Variants in ZNF565 observed in about 807,000 individuals in gnomAD.
ZNF565 encodes the protein zinc finger protein 565.
ZNF565 carries 27 observed loss-of-function variants against 39.4 expected under a neutral mutation model. That is an observed-to-expected ratio of 0.69 (90% CI 0.51 to 0.95). The LOEUF is 0.95. Ranked by LOEUF, ZNF565 falls within the 40% of genes least tolerant of loss-of-function variation. The pLI, the probability that ZNF565 is intolerant of heterozygous loss-of-function variation, is 0.00. For missense variants in ZNF565, 524 were observed against 621.1 expected (o/e 0.84, Z 1.66); for synonymous variants, 185 against 216.6 (o/e 0.85, Z 1.28).
chr19:36,234,130 A>T (rs1002433162), intron 1 of ZNF565, among the ~76,000 whole-genome samples: 6 of 152,226 alleles, frequency 3.9e-5, no homozygotes, highest in Admixed American at 6.5e-5. Context: ...AACAAAGCAC[A>T]TCCTGCACAG....
In ZNF565 at chr19:36,194,335, A is replaced by G; in HGVS notation, c.137-7T>C. On this transcript the variant is annotated splice_region_variant and splice_polypyrimidine_tract_variant and intron_variant, in intron 3 of 4. Coordinates refer to ENST00000304116, the MANE Select transcript of ZNF565 (RefSeq NM_152477.5). The stretch of plus-strand genomic sequence containing the variant: ...GGCTTAGAAATGGAGAGTCCTGTTT[A>G]CAGGAAAAGAAATGGGGTGTGATCA... 1.2e-6 allele frequency: 2 copies of G among 1,602,518 alleles called. No homozygotes were observed. Among genetic ancestry groups the G allele is most frequent in the Non-Finnish European group, 1.7e-6 (2 of 1,173,858 alleles).
Position 36,183,030 on chromosome 19 carries a change from G to C in ZNF565, c.936C>G (p.Cys312Trp). 2 of 1,613,974 alleles carry C rather than the reference G, an allele frequency of 1.2e-6. No homozygotes were observed. Among genetic ancestry groups the C allele is most frequent in the Non-Finnish European group, 1.7e-6 (2 of 1,179,980 alleles). The change falls in exon 5 of 5, where the codon TGC becomes TGG. Residue 312 changes from cysteine (C) to tryptophan (W), a missense_variant. Coordinates refer to ENST00000304116, the MANE Select transcript of ZNF565 (RefSeq NM_152477.5). ...GTGAGTGCTGTCTAAAGGCTTTCCC[G>C]CATTCTTTACACTCATAGGGTCTGG... ...TGARPYECKE[C>W]GKAFRQHSQL...
At chr19:36,238,072 C>T (rs906894790) in intron 1 of ZNF565, 2 of 166,898 alleles carry the variant, frequency 1.2e-5, no homozygotes, top group Non-Finnish European at 2.9e-5. Flanking sequence ...TTGTAGTAGC[C>T]AAAAATTAGA....
chr19:36,202,171 C>A, intron 1 of ZNF565, 121 bp from the exon 2 acceptor site: 1 of 647,238 alleles, frequency 1.5e-6, no homozygotes, highest in Non-Finnish European at 2.8e-6. Context: ...GCTTCTCCCA[C>A]CTCTCCATGT....
At chr19:36,208,841 T>C (rs984452282) in intron 1 of ZNF565, among the ~76,000 whole-genome samples, 3 of 152,144 alleles carry the variant, frequency 2.0e-5, no homozygotes, top group Admixed American at 2.0e-4. Flanking sequence ...TTTTTATTAT[T>C]TATTTTTTTG....
At chr19:36,238,898 G>C (rs1360410015) in intron 1 of ZNF565, 1 of 155,804 alleles carries the variant, frequency 6.4e-6, no homozygotes, top group Non-Finnish European at 1.5e-5. Context: ...CCTCCTGCCA[G>C]ATCAGCGGTG....
At position 36,230,275 on chromosome 19, in the gene ZNF565, G is replaced by T. The variant is rs897354922; in HGVS notation, c.55+15201C>A. On this transcript the variant is annotated intron_variant, in intron 1 of 4. Transcript: ENST00000355114. Reference sequence around the variant, plus strand: ...AAGCTGATATATTCACATCCTACAAGTATTTATTGCATGATATGTATTAGG... The same window carrying T: ...AAGCTGATATATTCACATCCTACAATTATTTATTGCATGATATGTATTAGG... Among the ~76,000 whole-genome samples, 9 of 152,278 alleles carry T rather than the reference G, an allele frequency of 5.9e-5. No individual in the cohort carries two copies. In the East Asian group the frequency reaches 1.5e-3, roughly 26 times the overall value.
chr19:36,215,816 A>G (rs112055270), upstream of ZNF565, among the ~76,000 whole-genome samples: 13 of 152,200 alleles, frequency 8.5e-5, no homozygotes, highest in Non-Finnish European at 1.9e-4. Flanking sequence ...GCAATCCCAT[A>G]TAACGGCGCC....
chr19:36,216,483 A>G (rs1347885278), upstream of ZNF565, among the ~76,000 whole-genome samples: 2 of 152,052 alleles, frequency 1.3e-5, no homozygotes, highest in Non-Finnish European at 2.9e-5. Flanking sequence ...TCTACTAAAA[A>G]AAAATAAAAT....
At chr19:36,193,721 G>A (rs1029467376) in intron 4 of ZNF565, among the ~76,000 whole-genome samples, 13 of 152,222 alleles carry the variant, frequency 8.5e-5, no homozygotes, top group East Asian at 7.7e-4. Context: ...GATTACAGGC[G>A]TAGAGCCACT....
At chr19:36,221,920 T>C (rs1010491853) in intron 1 of ZNF565, among the ~76,000 whole-genome samples, 21 of 135,630 alleles carry the variant, frequency 1.5e-4, no homozygotes, top group African/African-American at 5.0e-4. Flanking sequence ...CCCTTCCTTT[T>C]TTCTTTCTTT....
At chr19:36,189,066 T>C (rs979736431) in intron 4 of ZNF565, among the ~76,000 whole-genome samples, 1 of 151,900 alleles carries the variant, frequency 6.6e-6, no homozygotes, top group Non-Finnish European at 1.5e-5. Context: ...GAGTTTCTGT[T>C]TGGGATGATG....
upstream of ZNF565, among the ~76,000 whole-genome samples, chr19:36,215,428 G>C (rs73931512): frequency 2.0e-5 from 3 of 152,200 alleles, no homozygotes; most frequent in African/African-American, 4.8e-5. Context: ...GTGCGGGATT[G>C]TGTGTGATTG....
At chr19:36,227,579 C>G (rs145471967) in intron 1 of ZNF565, among the ~76,000 whole-genome samples, 258 of 152,052 alleles carry the variant, frequency 1.7e-3, no homozygotes, top group Non-Finnish European at 2.8e-3. Flanking sequence ...ATGGATGAAC[C>G]TGTATTCCAG....
intron 1 of ZNF565, among the ~76,000 whole-genome samples, chr19:36,211,419 G>A (rs1257998381): frequency 6.7e-6 from 1 of 149,334 alleles, no homozygotes; most frequent in African/African-American, 2.5e-5. Flanking sequence ...TTCCCAGCCT[G>A]GGCAACAAGA....
At chr19:36,244,139 C>T (rs1201079176) in intron 1 of ZNF565, among the ~76,000 whole-genome samples, 1 of 151,942 alleles carries the variant, frequency 6.6e-6, no homozygotes, top group Admixed American at 6.5e-5. Context: ...GTCTGTGTGT[C>T]TGAGTGGCTG....
rs142727564 is a variant in ZNF565, at chr19:36,242,402, C to T, written c.55+3074G>A. ...CCAGCCTGGGTGGCAGAGCGAGACTCCATTTCAAAAAAAATAAAGAACAAC... is the reference window on the plus strand; with the variant it reads ...CCAGCCTGGGTGGCAGAGCGAGACTTCATTTCAAAAAAAATAAAGAACAAC... On this transcript the variant is annotated intron_variant, in intron 1 of 4. Transcript: ENST00000355114. Among the ~76,000 whole-genome samples, 815 of 150,536 alleles carry T rather than the reference C, an allele frequency of 5.4e-3. 6 individuals carry two copies. Among genetic ancestry groups the T allele is most frequent in the Middle Eastern group, 0.028 (8 of 286 alleles).
chr19:36,239,185 T>C (rs532170268), intron 1 of ZNF565, among the ~76,000 whole-genome samples: 1 of 152,274 alleles, frequency 6.6e-6, no homozygotes, highest in African/African-American at 2.4e-5. Context: ...CTTAGAAAAC[T>C]TTAACTTTTT....
Position 36,182,418 on chromosome 19 carries a change from G to A in ZNF565, c.*48C>T, listed in dbSNP as rs1975116909. The A allele has an allele frequency of 5.4e-6, 8 of 1,495,188 alleles. No individual in the cohort carries two copies. The highest frequency in any genetic ancestry group is 7.2e-6 in the Non-Finnish European group (8 of 1,117,784). 92.6% of individuals were successfully genotyped at this position (1,495,188 alleles called of 1,614,324 possible). A position where few individuals can be genotyped will look rare whatever the true frequency, so the allele number is the denominator to read the frequency against. On this transcript the variant is annotated 3_prime_UTR_variant, in exon 5 of 5. Transcript: ENST00000304116. ...AAAATTACCTAGTACTGAGCCAGATGTGAACTCCACATAAAGGCTTATCTT... is the reference window on the plus strand; with the variant it reads ...AAAATTACCTAGTACTGAGCCAGATATGAACTCCACATAAAGGCTTATCTT...
Sources: allele counts gnomAD v4.1 joint callset (sites outside exome capture counted in the v4.1 genomes callset), GRCh38; gene constraint gnomAD v4.1.1; transcripts MANE v1.5; gene names NCBI Gene and HGNC (gene_info 2026-07-23, HGNC 2026-07-21).